Variants in SLC2A8 observed in about 807,000 individuals in gnomAD.
SLC2A8 encodes the protein solute carrier family 2 member 8.
Under a neutral mutation model 49.2 loss-of-function variants are expected in SLC2A8, and 53 were observed. The ratio of observed to expected loss-of-function variants is 1.08; its 90% CI spans 0.86 to 1.35. The LOEUF (loss-of-function observed/expected upper bound fraction) is 1.35. Among genes scored for constraint, SLC2A8 ranks in the 40% most tolerant of loss-of-function variants. The pLI, the probability that SLC2A8 is intolerant of heterozygous loss-of-function variation, is 0.00. For synonymous variants in SLC2A8, 299 were observed against 297.0 expected (o/e 1.01, Z -0.07); for missense variants, 688 against 671.7 (o/e 1.02, Z -0.27).
In SLC2A8 at chr9:127,402,601, C is replaced by T; in HGVS notation, c.571C>T (p.Pro191Ser). 3 of 1,592,106 alleles carry T rather than the reference C, an allele frequency of 1.9e-6. No individual in the cohort carries two copies. Among genetic ancestry groups the T allele is most frequent in the South Asian group, 2.3e-5 (2 of 88,016 alleles). ...WRWLAVLGCV[P>S]PSLMLLLMCF... ...CTGGCTGGCTGTGCTGGGCTGCGTG[C>T]CCCCCTCCCTCATGCTGCTTCTCAT... Residue 191 changes from proline to serine, a missense_variant, in exon 5 of 10, where the codon CCC (proline) becomes TCC (serine). Coordinates refer to ENST00000373371, the MANE Select transcript of SLC2A8 (RefSeq NM_014580.5).
Position 127,397,250 on chromosome 9 carries a change from A to G in SLC2A8, c.20A>G (p.Glu7Gly). The part of the protein sequence containing the change: MTPEDP[E>G]ETQPLLGPPG... ...GCCGACATGACGCCCGAGGACCCAGAGGAAACCCAGCCGCTTCTGGGGCCT... is the reference window on the plus strand; with the variant it reads ...GCCGACATGACGCCCGAGGACCCAGGGGAAACCCAGCCGCTTCTGGGGCCT... Residue 7 changes from glutamate to glycine, a missense_variant, in exon 1 of 10, where the codon GAG becomes GGG. Physicochemically the swap from Glu to Gly is moderately conservative, Grantham distance 98. Transcript: ENST00000373371. The G allele has an allele frequency of 1.4e-6, 2 of 1,437,010 alleles. No individual in the cohort carries two copies. The highest frequency in any genetic ancestry group is 1.8e-6 in the Non-Finnish European group (2 of 1,104,732). The allele number at this position is 1,437,010 out of a possible 1,614,324, so 89.0% of individuals were successfully genotyped here. A position where few individuals can be genotyped will look rare whatever the true frequency, so the allele number is the denominator to read the frequency against.
chr9:127,397,772 C>T (rs1372653492), intron 2 of SLC2A8, 133 bp from the exon 3 acceptor site: 3 of 1,106,700 alleles, frequency 2.7e-6, no homozygotes, highest in Admixed American at 3.2e-5. Context: ...CCGGGCCCCT[C>T]AGCCCCCTAC....
At chr9:127,407,032 G>A (rs886525662) in intron 9 of SLC2A8, 80 bp from the exon 10 acceptor site, 338 of 1,542,008 alleles carry the variant, frequency 2.2e-4, no homozygotes, top group Non-Finnish European at 2.8e-4. Flanking sequence ...GGACCCCCTG[G>A]TGGCAGAGCT....
Position 127,404,028 on chromosome 9 carries a change from A to G in SLC2A8, c.937A>G (p.Met313Val), listed in dbSNP as rs776994267. The change falls in exon 7 of 10, where the codon ATG (methionine) becomes GTG (valine). Residue 313 changes from methionine to valine, a missense_variant. Physicochemically the swap from Met to Val is conservative, Grantham distance 21. Coordinates refer to ENST00000373371, the MANE Select transcript of SLC2A8 (RefSeq NM_014580.5). The part of the protein sequence containing the change: ...VLFTAVAALI[M>V]DRAGRRLLLV... ...GTTCACAGCTGTGGCGGCTCTCATC[A>G]TGGACAGAGCAGGGCGGAGGCTGCT... 2.5e-6 allele frequency: 4 copies of G among 1,605,792 alleles called. No individual in the cohort carries two copies. The highest frequency in any genetic ancestry group is 2.2e-5 in the South Asian group (2 of 90,920).
chr9:127,397,320 C>T, intron 1 of SLC2A8, 34 bp downstream of exon 1: 1 of 1,380,754 alleles, frequency 7.2e-7, no homozygotes, highest in Non-Finnish European at 9.3e-7. Flanking sequence ...CGGATGCGGC[C>T]TCGCCCTCCC....
chr9:127,398,373 G>C, intron 3 of SLC2A8: 1 of 763,856 alleles, frequency 1.3e-6, no homozygotes, highest in South Asian at 1.4e-5. Context: ...CAGCTAGTCA[G>C]AGGGGAAGCA....
rs781315308 is a variant in SLC2A8 at position 127,405,490 on chromosome 9, C to T, written c.1221C>T (p.Gly407=). Residue 407 remains glycine (G), a synonymous_variant, in exon 9 of 10, where the codon GGC becomes GGT. Transcript: ENST00000373371. ...MSEIFPLHVK[G]VATGICVLTN... The stretch of plus-strand genomic sequence containing the variant: ...AGATCTTCCCTCTGCATGTCAAGGG[C>T]GTGGCGACAGGCATCTGCGTCCTCA... 19 of 1,613,048 alleles carry T rather than the reference C, an allele frequency of 1.2e-5. No homozygotes were observed. The highest frequency in any genetic ancestry group is 5.0e-5 in the Admixed American group (3 of 60,002).
intron 7 of SLC2A8, 137 bp from the exon 8 acceptor site, chr9:127,404,681 G>A: frequency 9.6e-7 from 1 of 1,036,424 alleles, no homozygotes; most frequent in Non-Finnish European, 1.4e-6. Context: ...CAGGGCTTCT[G>A]CGGCCAAGGT....
intron 3 of SLC2A8, chr9:127,398,349 C>T (rs750046575): frequency 1.3e-6 from 1 of 773,352 alleles, no homozygotes; most frequent in African/African-American, 1.7e-5. Flanking sequence ...AGTCCTTTGC[C>T]CAGGCGAGGT....
intron 7 of SLC2A8, chr9:127,404,485 C>G (rs1478400859): frequency 2.3e-5 from 8 of 342,384 alleles, no homozygotes; most frequent in Non-Finnish European, 4.3e-5. Flanking sequence ...CACGTGAGGC[C>G]TTCAGCAAGA....
In SLC2A8 at chr9:127,397,427, C is replaced by T. The variant is rs982996584; in HGVS notation, c.108C>T (p.Gly36=). ...VFLAAFAAAL[G]PLSFGFALGY... ...TCGCCGCCTTCGCCGCTGCCCTGGG[C>T]CCACTCAGCTTCGGCTTCGCGCTCG... Residue 36 remains glycine, a synonymous_variant, in exon 2 of 10, where the codon GGC becomes GGT. Coordinates refer to ENST00000373371, the MANE Select transcript of SLC2A8 (RefSeq NM_014580.5). The T allele has an allele frequency of 3.2e-5, 47 of 1,486,704 alleles. No individual in the cohort carries two copies. In the African/African-American group the frequency reaches 6.4e-4, roughly 20 times the overall value. The allele number at this position is 1,486,704 out of a possible 1,614,324, so 92.1% of individuals were successfully genotyped here. A position where few individuals can be genotyped will look rare whatever the true frequency, so the allele number is the denominator to read the frequency against.
chr9:127,407,100 C>G lies in SLC2A8; in HGVS notation c.1297-12C>G. ...TCCCCGCGTCCACCCATGGCCTTTC[C>G]TCTCTCTGCAGGAGGTCCTCAGGCC... On this transcript the variant is annotated splice_polypyrimidine_tract_variant and intron_variant, in intron 9 of 9. Transcript: ENST00000373371. 6.2e-7 allele frequency: 1 copy of G among 1,612,684 alleles called. No individual in the cohort carries two copies.
intron 7 of SLC2A8, 146 bp downstream of exon 7, chr9:127,404,213 C>A: frequency 1.6e-6 from 1 of 617,484 alleles, no homozygotes; most frequent in Non-Finnish European, 2.8e-6. Context: ...AGCTTGTCAC[C>A]AAGCACTCAC....
chr9:127,402,227 C>G (rs1833315481), intron 4 of SLC2A8: 1 of 274,374 alleles, frequency 3.6e-6, no homozygotes. Context: ...TCCCCCACCT[C>G]TTCTACAAAT....
chr9:127,405,445 C>A lies in SLC2A8; in HGVS notation c.1176C>A (p.Ile392=). ...GCTTTGCGGTGGGCTGGGGGCCCAT[C>A]CCCTGGCTCCTCATGTCAGAGATCT... ...IAGFAVGWGP[I]PWLLMSEIFP... is the part of the protein sequence containing the mutation. Residue 392 remains isoleucine (I), a synonymous_variant, in exon 9 of 10, where the codon ATC becomes ATA. Transcript: ENST00000373371. The A allele has an allele frequency of 6.2e-7, 1 of 1,612,888 alleles. No individual in the cohort carries two copies. Among genetic ancestry groups the A allele is most frequent in the Non-Finnish European group, 8.5e-7 (1 of 1,179,984 alleles).
intron 7 of SLC2A8, chr9:127,404,435 G>C (rs1005138886): frequency 6.1e-6 from 2 of 326,730 alleles, no homozygotes; most frequent in Non-Finnish European, 1.1e-5. Flanking sequence ...GGTAATGGCA[G>C]TGCCTCCCTC....
chr9:127,405,061 C>A lies in SLC2A8; in HGVS notation c.1150+70C>A, dbSNP rs141146973. On this transcript the variant is annotated intron_variant, in intron 8 of 9. Transcript: ENST00000373371. ...CCCCCGGCCCTGCTGTGGCGGCTCC[C>A]GGCAGGTGGGGTCTTCCCCAGCCTC... 0.011 allele frequency: 15,865 copies of A among 1,508,984 alleles called. 110 individuals carry two copies. The highest frequency in any genetic ancestry group is 0.012 in the Non-Finnish European group (13,264 of 1,118,266). The allele number at this position is 1,508,984 out of a possible 1,614,324, so 93.5% of individuals were successfully genotyped here. A position where few individuals can be genotyped will look rare whatever the true frequency, so the allele number is the denominator to read the frequency against.
intron 9 of SLC2A8, among the ~76,000 whole-genome samples, chr9:127,406,608 G>A (rs1008753274): frequency 1.1e-5 from 1 of 88,304 alleles, no homozygotes; most frequent in African/African-American, 3.8e-5. Context: ...TTTAGTTCTG[G>A]CACGTGGGAG....
At chr9:127,402,337 C>A in intron 4 of SLC2A8, 1 of 577,478 alleles carries the variant, frequency 1.7e-6, no homozygotes, top group Non-Finnish European at 2.8e-6. Context: ...TAGTAATGTC[C>A]GCGTTGTCAT....
Sources: gnomAD v4.1 joint callset for allele counts (sites outside exome capture counted in the v4.1 genomes callset) on GRCh38, gnomAD v4.1.1 for gene constraint, MANE v1.5 for transcripts, NCBI Gene and HGNC (gene_info 2026-07-23, HGNC 2026-07-21) for gene names.